CTNNA3: variants seen among roughly 807,000 people sequenced by gnomAD.
The protein encoded by CTNNA3 is catenin alpha-3.
A neutral mutation model predicts 95.7 loss-of-function variants in CTNNA3; 76 were observed. The ratio of observed to expected loss-of-function variants is 0.79; its 90% CI spans 0.66 to 0.96. The LOEUF (loss-of-function observed/expected upper bound fraction) is 0.96, where lower values mean the gene tolerates loss of function less well. Among genes scored for constraint, CTNNA3 ranks in the 40% least tolerant of loss-of-function variants. The pLI, the probability that CTNNA3 is intolerant of heterozygous loss-of-function variation, is 0.00. For missense variants in CTNNA3, 1,191 were observed against 1,089.8 expected, an observed-to-expected ratio of 1.09 and a Z score of -1.31; for synonymous variants, 431 against 374.4, an observed-to-expected ratio of 1.15 and a Z score of -1.74.
At chr10:66,823,890 T>C (rs1157484347) in intron 7 of CTNNA3, among the ~76,000 whole-genome samples, 1 of 151,996 alleles carries the variant, frequency 6.6e-6, no homozygotes, top group Non-Finnish European at 1.5e-5. Context: ...CATCCACGGG[T>C]AAAATATTGG....
At chr10:67,236,683 A>T (rs963158923) in intron 5 of CTNNA3, among the ~76,000 whole-genome samples, 13 of 151,934 alleles carry the variant, frequency 8.6e-5, no homozygotes, top group Non-Finnish European at 1.6e-4. Flanking sequence ...AAAAATAAAA[A>T]AATAAAAAAA....
intron 16 of CTNNA3, among the ~76,000 whole-genome samples, chr10:65,970,499 A>G (rs1394771477): frequency 6.6e-6 from 1 of 151,962 alleles, no homozygotes; most frequent in East Asian, 1.9e-4. Flanking sequence ...TAGAATAACA[A>G]CATCCATTCA....
intron 11 of CTNNA3, among the ~76,000 whole-genome samples, chr10:66,468,306 A>G (rs1159581671): frequency 6.6e-6 from 1 of 152,086 alleles, no homozygotes; most frequent in Non-Finnish European, 1.5e-5. Context: ...CCAATTTGTT[A>G]TCTGACTAAA....
At chr10:66,404,805 C>G (rs749741640) in intron 11 of CTNNA3, among the ~76,000 whole-genome samples, 2 of 150,338 alleles carry the variant, frequency 1.3e-5, no homozygotes, top group Middle Eastern at 3.4e-3. Flanking sequence ...CATAGTCTAT[C>G]ATTAGTATTA....
chr10:66,433,654 C>T (rs1256311901), intron 11 of CTNNA3, among the ~76,000 whole-genome samples: 3 of 152,122 alleles, frequency 2.0e-5, no homozygotes, highest in Non-Finnish European at 4.4e-5. Context: ...TTAATTAGAT[C>T]CCATTTGTCA....
At chr10:66,675,237 C>CT (rs535383248) in intron 9 of CTNNA3, among the ~76,000 whole-genome samples, 3,368 of 149,236 alleles carry the variant, frequency 0.023, 71 homozygotes, top group East Asian at 0.064. Context: ...TCTGCTGCTG[C>CT]TTTTTTTTTT....
intron 13 of CTNNA3, among the ~76,000 whole-genome samples, chr10:66,106,612 G>T (rs2133760325): frequency 6.6e-6 from 1 of 152,096 alleles, no homozygotes; most frequent in East Asian, 1.9e-4. Context: ...AGATGCTTTG[G>T]GTAAGAGCTT....
chr10:67,571,062 G>A (rs1841958048), intron 3 of CTNNA3, among the ~76,000 whole-genome samples: 1 of 152,060 alleles, frequency 6.6e-6, no homozygotes, highest in Admixed American at 6.5e-5. Context: ...AGATTTATCT[G>A]GCATTAATAT....
intron 5 of CTNNA3, among the ~76,000 whole-genome samples, chr10:67,479,409 G>A (rs79133939): frequency 1.5e-3 from 228 of 151,986 alleles, no homozygotes; most frequent in African/African-American, 5.2e-3. Context: ...ATACTCTCAG[G>A]GCACAGTGGA....
intron 9 of CTNNA3, among the ~76,000 whole-genome samples, chr10:66,696,842 G>A (rs541353635): frequency 6.6e-6 from 1 of 152,182 alleles, no homozygotes; most frequent in African/African-American, 2.4e-5. Context: ...AGGAGGCTGA[G>A]GCAAGAGGAT....
Position 66,692,610 on chromosome 10 carries a change from G to A in CTNNA3, c.1282-70826C>T, listed in dbSNP as rs186345972. On this transcript the variant is annotated intron_variant, in intron 9 of 17. Transcript: ENST00000433211. ...ACATTCAGATTCAGGAAATACAGAGGACACCACAAAGACACTCCTCGAGAA... is the reference window on the plus strand; with the variant it reads ...ACATTCAGATTCAGGAAATACAGAGAACACCACAAAGACACTCCTCGAGAA... Among the ~76,000 whole-genome samples, 978 of 152,056 alleles carry A rather than the reference G, an allele frequency of 6.4e-3. 13 individuals carry two copies. The highest frequency in any genetic ancestry group is 0.022 in the African/African-American group (910 of 41,436).
At chr10:66,379,378 T>TGA (rs771313986) in intron 11 of CTNNA3, 26 bp from the exon 12 acceptor site, 26 of 1,579,160 alleles carry the variant, frequency 1.6e-5, no homozygotes, top group African/African-American at 2.7e-5. Context: ...TCAAATTAGT[T>TGA]TTTGCGTGTG....
intron 7 of CTNNA3, among the ~76,000 whole-genome samples, chr10:66,824,454 TC>T (rs1842421304): frequency 6.6e-6 from 1 of 152,130 alleles, no homozygotes. Context: ...AGAAAGCACT[TC>T]TTTACAGGAA....
At chr10:67,449,244 T>C (rs996176300) in intron 5 of CTNNA3, among the ~76,000 whole-genome samples, 1 of 152,180 alleles carries the variant, frequency 6.6e-6, no homozygotes, top group Admixed American at 6.6e-5. Context: ...GTCATTAAAA[T>C]GGGCCAATCT....
intron 7 of CTNNA3, among the ~76,000 whole-genome samples, chr10:67,139,848 A>G (rs1324695396): frequency 1.3e-5 from 2 of 152,208 alleles, no homozygotes; most frequent in Non-Finnish European, 2.9e-5. Flanking sequence ...AAAAGTTCAG[A>G]AAAAAATGTA....
chr10:66,120,965 C>T (rs573306547), intron 13 of CTNNA3, among the ~76,000 whole-genome samples: 2 of 152,280 alleles, frequency 1.3e-5, no homozygotes, highest in Non-Finnish European at 2.9e-5. Context: ...GTGAAAATAA[C>T]CCAGGTGCGA....
intron 5 of CTNNA3, among the ~76,000 whole-genome samples, chr10:67,415,740 G>A (rs1304850419): frequency 6.6e-6 from 1 of 152,092 alleles, no homozygotes; most frequent in Non-Finnish European, 1.5e-5. Context: ...TACCCAACAT[G>A]AAACTGTACT....
chr10:67,630,728 C>T (rs2133435402), intron 2 of CTNNA3, among the ~76,000 whole-genome samples: 1 of 152,280 alleles, frequency 6.6e-6, no homozygotes, highest in African/African-American at 2.4e-5. Flanking sequence ...TATTACTGTT[C>T]TTCTAACTCT....
At chr10:67,749,007 T>C (rs1841387757) in intron 1 of CTNNA3, among the ~76,000 whole-genome samples, 1 of 152,200 alleles carries the variant, frequency 6.6e-6, no homozygotes, top group Admixed American at 6.5e-5. Context: ...GTTGCAATCC[T>C]ACTTTCTGAC....
Sources: allele counts gnomAD v4.1 joint callset (sites outside exome capture counted in the v4.1 genomes callset), GRCh38; gene constraint gnomAD v4.1.1; transcripts MANE v1.5; gene names NCBI Gene and HGNC (gene_info 2026-07-23, HGNC 2026-07-21).